The following CENPM variants were observed in gnomAD, a reference collection of about 807,000 sequenced individuals.
The protein encoded by CENPM is interphase centromere complex protein 39.
CENPM carries 14 observed loss-of-function variants against 19.6 expected under a neutral mutation model. That is an observed-to-expected ratio of 0.71 (90% CI 0.47 to 1.11). The LOEUF (loss-of-function observed/expected upper bound fraction) is 1.11, where lower values mean the gene tolerates loss of function less well. CENPM is among the 50% of genes most tolerant of loss of function. The pLI is 0.00. For synonymous variants in CENPM, 114 were observed against 101.5 expected, an observed-to-expected ratio of 1.12 and a Z score of -0.74; for missense variants, 239 against 228.4, an observed-to-expected ratio of 1.05 and a Z score of -0.30.
At chr22:41,945,524 C>T in intron 3 of CENPM, 2 of 873,180 alleles carry the variant, frequency 2.3e-6, no homozygotes, top group Non-Finnish European at 3.3e-6. Context: ...GATCTTGGCT[C>T]ACTGCAACCT....
At chr22:41,933,849 G>A (rs569901656), downstream of CENPM, among the ~76,000 whole-genome samples, 67 of 152,320 alleles carry the variant, frequency 4.4e-4, no homozygotes, top group Admixed American at 1.7e-3. Context: ...TGGGTTGGGG[G>A]CAACTGTAAC....
chr22:41,942,139 C>A (rs1392169148), intron 5 of CENPM, among the ~76,000 whole-genome samples: 2 of 152,202 alleles, frequency 1.3e-5, no homozygotes, highest in African/African-American at 4.8e-5. Context: ...AGCAGAAACA[C>A]AACTCTTCGA....
chr22:41,946,603 C>A (rs1166109642), intron 1 of CENPM, 107 bp from the exon 2 acceptor site: 4 of 905,680 alleles, frequency 4.4e-6, no homozygotes, highest in African/African-American at 3.3e-5. Context: ...CGCCAGCAGG[C>A]GGCTCGGAGG....
the CENPM span, chr22:41,928,211 C>T: frequency 7.8e-6 from 3 of 386,516 alleles, no homozygotes; most frequent in Non-Finnish European, 1.6e-5. The surrounding 1 kb of genome is among the most constrained non-coding windows in gnomAD (Gnocchi z 4.0). Context: ...GGAGGGAAGC[C>T]CGCCCACACC....
At chr22:41,927,750 C>T in the CENPM span, among the ~76,000 whole-genome samples, 5 of 152,100 alleles carry the variant, frequency 3.3e-5, no homozygotes, top group Admixed American at 6.5e-5. Context: ...CCGCCCTCCT[C>T]GGCCTCCCAA....
the CENPM span, among the ~76,000 whole-genome samples, chr22:41,929,947 T>TTTG: frequency 1.6e-4 from 22 of 139,604 alleles, no homozygotes; most frequent in Middle Eastern, 3.2e-3. Flanking sequence ...TTTTTTTTTT[T>TTTG]TTTTTTTTTT....
At chr22:41,930,249 A>G in the CENPM span, among the ~76,000 whole-genome samples, 2 of 148,154 alleles carry the variant, frequency 1.3e-5, no homozygotes, top group South Asian at 2.1e-4. Flanking sequence ...TTTTTTTTTG[A>G]GACGGAGTCT....
Position 41,947,056 on chromosome 22 carries a change from C to T in CENPM, c.21G>A (p.Leu7=), listed in dbSNP as rs756353280. The T allele has an allele frequency of 1.2e-5, 19 of 1,612,956 alleles. No individual in the cohort carries two copies. The South Asian group carries it at 1.9e-4, about 16-fold the overall frequency. MSVLRP[L]DKLPGLNTAT... ...CCGTGTTCAGGCCGGGCAGCTTGTCCAGGGGCCTCAACACCGACATCACAG... is the reference window on the plus strand; with the variant it reads ...CCGTGTTCAGGCCGGGCAGCTTGTCTAGGGGCCTCAACACCGACATCACAG... The change falls in exon 1 of 6, where the codon CTG becomes CTA. Residue 7 remains leucine (L), a synonymous_variant. Coordinates refer to ENST00000215980, the MANE Select transcript of CENPM (RefSeq NM_024053.5).
intron 1 of CENPM, 80 bp downstream of exon 1, chr22:41,946,940 A>G (rs2077812293): frequency 4.2e-6 from 6 of 1,443,766 alleles, no homozygotes; most frequent in East Asian, 4.6e-5. Context: ...TTGGCGCCTC[A>G]GAGAGCTCAG....
At chr22:41,934,776 C>T (rs1015544959), downstream of CENPM, among the ~76,000 whole-genome samples, 3 of 152,180 alleles carry the variant, frequency 2.0e-5, no homozygotes, top group Non-Finnish European at 4.4e-5. Context: ...TGAGGCTTGC[C>T]GAGGGTGAGT....
the CENPM span, among the ~76,000 whole-genome samples, chr22:41,933,331 C>G: frequency 6.6e-6 from 1 of 151,834 alleles, no homozygotes; most frequent in African/African-American, 2.4e-5. Context: ...GGGTCCTCTT[C>G]CCGTGTGCGG....
chr22:41,929,935 CTTTTTTTTTTTTTTT>C, the CENPM span, among the ~76,000 whole-genome samples: 5 of 97,674 alleles, frequency 5.1e-5, no homozygotes, highest in African/African-American at 1.5e-4. Context: ...TTCCCCGTGG[CTTTTTTTTTTTTTTT>C]TTTTTTTTTT....
At chr22:41,944,909 G>A in intron 4 of CENPM, 1 of 1,202,580 alleles carries the variant, frequency 8.3e-7, no homozygotes, top group South Asian at 1.8e-5. Flanking sequence ...CAAAGTATGT[G>A]TATATGTGTT....
At chr22:41,927,601 G>T in the CENPM span, among the ~76,000 whole-genome samples, 1 of 147,804 alleles carries the variant, frequency 6.8e-6, no homozygotes, top group African/African-American at 2.5e-5. Flanking sequence ...CCAGATTCAA[G>T]CGATTCTCCT....
At chr22:41,929,607 T>A in the CENPM span, among the ~76,000 whole-genome samples, 4 of 152,206 alleles carry the variant, frequency 2.6e-5, no homozygotes, top group Admixed American at 6.5e-5. Flanking sequence ...CAGGGTCCCT[T>A]ACCTTGGCCA....
At chr22:41,940,234 G>C (rs2077727170) in intron 5 of CENPM, 3 of 724,278 alleles carry the variant, frequency 4.1e-6, no homozygotes, top group Admixed American at 2.0e-5. Context: ...ACTTCCTTCA[G>C]GTCTTTATTT....
Position 41,947,008 on chromosome 22 carries a change from G to A in CENPM, c.57+12C>T. The A allele has an allele frequency of 1.9e-6, 3 of 1,612,446 alleles. No individual in the cohort carries two copies. The highest frequency in any genetic ancestry group is 2.5e-6 in the Non-Finnish European group (3 of 1,179,694). On this transcript the variant is annotated intron_variant, in intron 1 of 5. Transcript: ENST00000215980. ...AAAAACCGGCGGGGGAAGCAGGGCC[G>A]CCTGCACCTACCAAGATGGTGGCCG... is the stretch of plus-strand genomic sequence containing the variant.
the CENPM span, among the ~76,000 whole-genome samples, chr22:41,927,661 G>A: frequency 2.6e-5 from 4 of 151,940 alleles, no homozygotes; most frequent in African/African-American, 7.2e-5. Flanking sequence ...CACCATGCCC[G>A]GCTAATTTTT....
At chr22:41,929,753 G>A in the CENPM span, among the ~76,000 whole-genome samples, 2 of 150,532 alleles carry the variant, frequency 1.3e-5, no homozygotes, top group Non-Finnish European at 3.0e-5. Context: ...TGTCTGTGTT[G>A]TGTGCAGGTG....
Sources: allele counts gnomAD v4.1 joint callset (sites outside exome capture counted in the v4.1 genomes callset), GRCh38; gene constraint gnomAD v4.1.1; non-coding constraint Gnocchi (gnomAD v3.1); transcripts MANE v1.5; gene names NCBI Gene and HGNC (gene_info 2026-07-23, HGNC 2026-07-21).